MARCHF1: variants seen among roughly 807,000 people sequenced by gnomAD.
MARCHF1 encodes E3 ubiquitin-protein ligase MARCHF1.
Under a neutral mutation model 54.2 loss-of-function variants are expected in MARCHF1, and 40 were observed. That is an observed-to-expected ratio of 0.74 (90% CI 0.57 to 0.96). MARCHF1 has a LOEUF of 0.96. Ranked by LOEUF, MARCHF1 falls within the 40% of genes least tolerant of loss-of-function variation. MARCHF1 has a pLI of 0.00. For missense variants in MARCHF1, 586 were observed against 656.5 expected, an observed-to-expected ratio of 0.89 and a Z score of 1.17; for synonymous variants, 236 against 236.3, an observed-to-expected ratio of 1.00 and a Z score of 0.01.
At chr4:164,247,712 G>C (rs1442690656) in intron 1 of MARCHF1, among the ~76,000 whole-genome samples, 1 of 150,944 alleles carries the variant, frequency 6.6e-6, no homozygotes, top group Non-Finnish European at 1.5e-5. Flanking sequence ...GGGCAGCAGA[G>C]ATATTATGTC....
At chr4:163,599,616 C>T (rs1227433162) in intron 7 of MARCHF1, among the ~76,000 whole-genome samples, 1 of 152,082 alleles carries the variant, frequency 6.6e-6, no homozygotes, top group East Asian at 1.9e-4. Context: ...CACTCTATTG[C>T]AATTTATTGT....
chr4:163,525,847 T>G lies in MARCHF1; in HGVS notation c.*2901A>C, dbSNP rs1738085177. ...AAGCACTGCCACAAAGCTAAATCGT[T>G]TTATTGTTTGAAAGGGCAAATGTTC... On this transcript the variant is annotated 3_prime_UTR_variant, in exon 10 of 10. Transcript: ENST00000514618. 6.6e-6 allele frequency: 1 copy of G among 152,128 alleles called. No individual in the cohort carries two copies. The highest frequency in any genetic ancestry group is 1.5e-5 in the Non-Finnish European group (1 of 67,996). The allele number at this position is 152,128 out of a possible 1,614,324, so 9.4% of individuals were successfully genotyped here.
intron 3 of MARCHF1, among the ~76,000 whole-genome samples, chr4:163,931,934 T>C (rs1054419460): frequency 1.2e-4 from 18 of 152,316 alleles, no homozygotes; most frequent in African/African-American, 3.8e-4. Context: ...TGGAGATATT[T>C]TGAGTTCAGT....
chr4:163,934,983 T>A (rs1170986254), intron 3 of MARCHF1, among the ~76,000 whole-genome samples: 1 of 152,060 alleles, frequency 6.6e-6, no homozygotes. Flanking sequence ...GCAGCTACAG[T>A]ACAGCCTTAA....
At chr4:163,799,826 T>A (rs1045267571) in intron 4 of MARCHF1, among the ~76,000 whole-genome samples, 7 of 152,008 alleles carry the variant, frequency 4.6e-5, no homozygotes, top group Admixed American at 4.6e-4. Flanking sequence ...CCAAAAAGAC[T>A]CATGTACTCC....
At chr4:164,235,296 A>G (rs976352396) in intron 1 of MARCHF1, among the ~76,000 whole-genome samples, 15 of 152,130 alleles carry the variant, frequency 9.9e-5, no homozygotes, top group South Asian at 4.1e-4. Context: ...ATACAAAATT[A>G]TCTACTTATT....
chr4:163,801,244 G>T (rs531691727), intron 4 of MARCHF1, among the ~76,000 whole-genome samples: 24 of 151,878 alleles, frequency 1.6e-4, no homozygotes, highest in African/African-American at 5.8e-4. Context: ...TTTTTACCAA[G>T]AACTTATAAA....
chr4:164,379,655 T>C (rs184515160), intron 1 of MARCHF1, among the ~76,000 whole-genome samples: 17 of 152,256 alleles, frequency 1.1e-4, no homozygotes, highest in African/African-American at 3.8e-4. Flanking sequence ...AGCAACAATA[T>C]GACTGACAGG....
chr4:164,113,248 G>A (rs752220477), intron 1 of MARCHF1, among the ~76,000 whole-genome samples: 49 of 151,964 alleles, frequency 3.2e-4, no homozygotes, highest in Non-Finnish European at 6.6e-4. Context: ...AAAACAAACA[G>A]GAACAAGAAA....
At chr4:163,547,101 G>A (rs538055001) in intron 8 of MARCHF1, among the ~76,000 whole-genome samples, 2 of 152,110 alleles carry the variant, frequency 1.3e-5, no homozygotes, top group Non-Finnish European at 2.9e-5. Context: ...CCCACATGTG[G>A]ATTTCAATGC....
intron 4 of MARCHF1, among the ~76,000 whole-genome samples, chr4:163,823,809 G>A (rs1308645951): frequency 6.6e-6 from 1 of 151,750 alleles, no homozygotes; most frequent in East Asian, 1.9e-4. Flanking sequence ...CTCCAAGATA[G>A]TTATTTTTTT....
intron 4 of MARCHF1, among the ~76,000 whole-genome samples, chr4:163,722,329 G>C (rs143774641): frequency 0.38 from 57,637 of 151,896 alleles, 11,393 homozygotes; most frequent in Admixed American, 0.45. Flanking sequence ...TTTCCATGTA[G>C]TTGAGCGGTT....
chr4:163,961,553 C>T (rs144645654), intron 3 of MARCHF1, among the ~76,000 whole-genome samples: 2,443 of 151,960 alleles, frequency 0.016, 30 homozygotes, highest in Non-Finnish European at 0.026. Flanking sequence ...TAAACCTTTT[C>T]ACGTGCTACC....
At chr4:163,813,724 A>C (rs1413793217) in intron 4 of MARCHF1, among the ~76,000 whole-genome samples, 1 of 152,234 alleles carries the variant, frequency 6.6e-6, no homozygotes, top group Non-Finnish European at 1.5e-5. Flanking sequence ...CCAGTAAGTA[A>C]TATAGTTTAA....
At chr4:164,337,153 G>A (rs779106850) in intron 1 of MARCHF1, among the ~76,000 whole-genome samples, 5 of 152,094 alleles carry the variant, frequency 3.3e-5, no homozygotes, top group Non-Finnish European at 5.9e-5. Context: ...GCTATTGAGT[G>A]GAATTAACAA....
intron 3 of MARCHF1, among the ~76,000 whole-genome samples, chr4:163,917,624 T>C (rs1751338571): frequency 6.6e-6 from 1 of 152,180 alleles, no homozygotes; most frequent in African/African-American, 2.4e-5. Flanking sequence ...CTTTTTTTTC[T>C]TCAACTTTTA....
At chr4:163,656,766 A>G (rs901165759) in intron 5 of MARCHF1, among the ~76,000 whole-genome samples, 7 of 152,140 alleles carry the variant, frequency 4.6e-5, no homozygotes, top group African/African-American at 1.7e-4. Context: ...CAAATCAATA[A>G]ATGTAATTCA....
chr4:163,986,040 T>C (rs1752855174), intron 3 of MARCHF1, among the ~76,000 whole-genome samples: 1 of 151,982 alleles, frequency 6.6e-6, no homozygotes, highest in African/African-American at 2.4e-5. Context: ...AGTTAGCTTA[T>C]CAAAACAAGT....
At chr4:164,035,179 A>C (rs1277910107) in intron 2 of MARCHF1, among the ~76,000 whole-genome samples, 1 of 152,120 alleles carries the variant, frequency 6.6e-6, no homozygotes, top group Non-Finnish European at 1.5e-5. Context: ...TTTTAAGTCT[A>C]ATCAAAGAGT....
Sources: allele counts gnomAD v4.1 joint callset (sites outside exome capture counted in the v4.1 genomes callset), GRCh38; gene constraint gnomAD v4.1.1; transcripts MANE v1.5; gene names NCBI Gene and HGNC (gene_info 2026-07-23, HGNC 2026-07-21).